SUMF1: variants seen among roughly 807,000 people sequenced by gnomAD.
The protein encoded by SUMF1 is sulfatase modifying factor 1.
Under a neutral mutation model 47.6 loss-of-function variants are expected in SUMF1, and 48 were observed. The ratio of observed to expected loss-of-function variants is 1.01; its 90% CI spans 0.80 to 1.28. The LOEUF is 1.28. Among genes scored for constraint, SUMF1 ranks in the 50% most tolerant of loss-of-function variants. The probability of loss-of-function intolerance (pLI) is 0.00; values close to 1 mark genes in which losing one functional copy is unlikely to be tolerated. For synonymous variants in SUMF1, 230 were observed against 192.1 expected (o/e 1.20, Z -1.63); for missense variants, 571 against 485.4 (o/e 1.18, Z -1.66).
chr3:4,313,332 G>A, intron 8 of SUMF1: 3 of 1,613,930 alleles, frequency 1.9e-6, no homozygotes, highest in Non-Finnish European at 2.5e-6. Flanking sequence ...TAGCCATCAG[G>A]GAACATGTTT....
intron 8 of SUMF1, among the ~76,000 whole-genome samples, chr3:4,240,111 A>G (rs1043314623): frequency 7.9e-5 from 12 of 152,182 alleles, no homozygotes; most frequent in African/African-American, 2.9e-4. Context: ...TATCCCAGGG[A>G]TGAAGCTGAC....
At chr3:4,156,403 T>C (rs185240249) in intron 8 of SUMF1, among the ~76,000 whole-genome samples, 1 of 151,774 alleles carries the variant, frequency 6.6e-6, no homozygotes, top group African/African-American at 2.4e-5. Flanking sequence ...TTTGCTAGAA[T>C]GAAGGCTCTA....
chr3:4,237,797 A>T (rs1353675534), intron 8 of SUMF1, among the ~76,000 whole-genome samples: 1 of 151,226 alleles, frequency 6.6e-6, no homozygotes, highest in African/African-American at 2.4e-5. Context: ...CATTTTTTAA[A>T]TACTTTAAGT....
At chr3:4,075,615 G>T (rs528301165) in intron 8 of SUMF1, among the ~76,000 whole-genome samples, 15 of 151,994 alleles carry the variant, frequency 9.9e-5, no homozygotes, top group African/African-American at 2.9e-4. Context: ...CAAAATCTCC[G>T]TAAGCTGATG....
chr3:4,131,510 G>C (rs1164689297), intron 8 of SUMF1, among the ~76,000 whole-genome samples: 2 of 152,170 alleles, frequency 1.3e-5, no homozygotes, highest in Admixed American at 6.5e-5. Context: ...GCAGTGAAGG[G>C]AAATCTTCCC....
At chr3:4,135,242 G>A (rs1225808022) in intron 8 of SUMF1, among the ~76,000 whole-genome samples, 1 of 152,102 alleles carries the variant, frequency 6.6e-6, no homozygotes, top group Non-Finnish European at 1.5e-5. Context: ...CTGGCAAAGT[G>A]AATCCAGCAG....
At chr3:4,105,002 A>G (rs1396564529) in intron 8 of SUMF1, among the ~76,000 whole-genome samples, 1 of 152,184 alleles carries the variant, frequency 6.6e-6, no homozygotes, top group African/African-American at 2.4e-5. Flanking sequence ...ATGCATAAAG[A>G]AAGAAAATGT....
Position 4,042,370 on chromosome 3 carries a change from T to C in SUMF1, c.1191+26199A>G, listed in dbSNP as rs893893541. ...TTGTTTTTAAAAAAACCCTGATAAA[T>C]AGAGCCACAGAAGTCCATGAAGAGA... On this transcript the variant is annotated intron_variant and NMD_transcript_variant, in intron 9 of 12. Coordinates refer to the SUMF1 transcript ENST00000448413. 3.9e-5 allele frequency among the ~76,000 whole-genome samples: 6 copies of C among 152,018 alleles called. No homozygotes were observed. In the East Asian group the frequency reaches 1.2e-3, roughly 29 times the overall value.
intron 9 of SUMF1, among the ~76,000 whole-genome samples, chr3:4,041,088 T>C (rs1374572383): frequency 6.6e-6 from 1 of 152,192 alleles, no homozygotes; most frequent in East Asian, 1.9e-4. Context: ...CTTTTGTTTT[T>C]TTGAGACAGA....
At chr3:4,212,593 T>A (rs1695824093) in intron 8 of SUMF1, among the ~76,000 whole-genome samples, 1 of 151,984 alleles carries the variant, frequency 6.6e-6, no homozygotes, top group Non-Finnish European at 1.5e-5. Flanking sequence ...CTTTAGAAGG[T>A]GGTAAATAAC....
chr3:4,062,804 C>A (rs954712020), intron 9 of SUMF1, among the ~76,000 whole-genome samples: 6 of 152,100 alleles, frequency 3.9e-5, no homozygotes, highest in African/African-American at 1.4e-4. Flanking sequence ...AGATGTACAG[C>A]AATTCTAGTT....
Position 4,081,525 on chromosome 3 carries a change from TC to T in SUMF1, c.1015-12781del, listed in dbSNP as rs1356338589. ...ATAAGCTGATTGTCAGTTATTTAGG[TC>T]TTAAGGAGACAGTCCAGTAGAGTGG... On this transcript the variant is annotated intron_variant and NMD_transcript_variant, in intron 8 of 12. Coordinates refer to the SUMF1 transcript ENST00000448413. Among the ~76,000 whole-genome samples the T allele has an allele frequency of 2.6e-5, 4 of 152,250 alleles. No homozygotes were observed. The East Asian group carries it at 7.7e-4, about 29-fold the overall frequency.
Position 4,430,641 on chromosome 3 carries a change from T to C in SUMF1, c.520-10495A>G, listed in dbSNP as rs574265813. ...GTGAGCATCTTCTCTATGCCACTCC[T>C]GTGCTAGCCCCCGGGGATACAGAAC... On this transcript the variant is annotated intron_variant, in intron 3 of 8. Coordinates refer to ENST00000272902, the MANE Select transcript of SUMF1 (RefSeq NM_182760.4). 3.9e-5 allele frequency among the ~76,000 whole-genome samples: 6 copies of C among 152,262 alleles called. No homozygotes were observed. The South Asian group carries it at 8.3e-4, about 21-fold the overall frequency.
intron 8 of SUMF1, among the ~76,000 whole-genome samples, chr3:4,201,939 T>C (rs1480340133): frequency 6.6e-6 from 1 of 152,104 alleles, no homozygotes; most frequent in African/African-American, 2.4e-5. Context: ...TGCCCATTTT[T>C]TTAATCTGAT....
intron 8 of SUMF1, among the ~76,000 whole-genome samples, chr3:4,240,144 T>C (rs189273719): frequency 6.6e-6 from 1 of 152,312 alleles, no homozygotes; most frequent in Non-Finnish European, 1.5e-5. Context: ...GATAAACTTT[T>C]TGATGTGCTG....
chr3:4,082,921 T>C (rs1692597677), intron 8 of SUMF1, among the ~76,000 whole-genome samples: 1 of 152,140 alleles, frequency 6.6e-6, no homozygotes, highest in African/African-American at 2.4e-5. Context: ...TTCTGTGTAA[T>C]AAGTGCCCAG....
chr3:4,203,358 G>GT (rs1392164071), intron 8 of SUMF1, among the ~76,000 whole-genome samples: 11 of 151,612 alleles, frequency 7.3e-5, no homozygotes, highest in Admixed American at 2.0e-4. Flanking sequence ...TTCTTTTTCT[G>GT]TTTTTTGCCT....
Position 4,311,414 on chromosome 3 carries a change from G to A in SUMF1, c.1014+64916C>T, listed in dbSNP as rs571159237. ...TGAAAGGCCGTGCAACTGGTTCCTT[G>A]CAGAACTGCTCTTACCCGACTGTGC... On this transcript the variant is annotated intron_variant and NMD_transcript_variant, in intron 8 of 12. Transcript: ENST00000448413. 5.9e-5 allele frequency among the ~76,000 whole-genome samples: 9 copies of A among 152,314 alleles called. No individual in the cohort carries two copies. In the East Asian group the frequency reaches 1.7e-3, roughly 29 times the overall value.
At chr3:4,121,745 G>T (rs1225490898) in intron 8 of SUMF1, among the ~76,000 whole-genome samples, 3 of 151,832 alleles carry the variant, frequency 2.0e-5, no homozygotes, top group African/African-American at 7.3e-5. Context: ...AAGTTCAGGG[G>T]TACATGTGCA....
Sources: gnomAD v4.1 joint callset for allele counts (sites outside exome capture counted in the v4.1 genomes callset) on GRCh38, gnomAD v4.1.1 for gene constraint, MANE v1.5 for transcripts, NCBI Gene and HGNC (gene_info 2026-07-23, HGNC 2026-07-21) for gene names.